Variants in OOSP2 observed in about 807,000 individuals in gnomAD.
OOSP2 encodes the protein oocyte secreted protein 2, also known as oocyte-secreted protein 2.
In OOSP2, 7 loss-of-function variants were observed where a neutral mutation model predicts 13.4. The observed-to-expected ratio is 0.52, with a 90% CI of 0.30 to 0.98. The LOEUF (loss-of-function observed/expected upper bound fraction) is 0.98. Ranked by LOEUF, OOSP2 falls within the 50% of genes least tolerant of loss-of-function variation. The probability of loss-of-function intolerance (pLI) is 0.07; values close to 1 mark genes in which losing one functional copy is unlikely to be tolerated. For synonymous variants in OOSP2, 75 were observed against 67.2 expected, an observed-to-expected ratio of 1.12 and a Z score of -0.57; for missense variants, 184 against 188.5, an observed-to-expected ratio of 0.98 and a Z score of 0.14.
At chr11:60,046,900 C>A (rs757488556) in intron 3 of OOSP2, 44 bp from the exon 4 acceptor site, 1 of 1,567,914 alleles carries the variant, frequency 6.4e-7, no homozygotes, top group South Asian at 1.1e-5. Context: ...GACTTGATCC[C>A]AAGTGCTCCA....
chr11:60,040,550 T>G (rs780291767), intron 1 of OOSP2, 27 bp downstream of exon 1: 10 of 1,279,572 alleles, frequency 7.8e-6, no homozygotes, highest in Non-Finnish European at 1.1e-5. Flanking sequence ...AGAGAATGCT[T>G]CCTCGAAGGA....
chr11:60,044,426 T>A (rs1854984140), intron 2 of OOSP2, among the ~76,000 whole-genome samples: 2 of 152,228 alleles, frequency 1.3e-5, no homozygotes, highest in Admixed American at 1.3e-4. Flanking sequence ...ATCATAAAGA[T>A]GGCTGTAAGC....
At position 60,043,462 on chromosome 11, in the gene OOSP2, TC is replaced by T. The variant is rs1565054731; in HGVS notation, c.65-5del. 7 of 1,602,576 alleles carry T rather than the reference TC, an allele frequency of 4.4e-6. No homozygotes were observed. The highest frequency in any genetic ancestry group is 5.1e-6 in the Non-Finnish European group (6 of 1,169,964). On this transcript the variant is annotated splice_polypyrimidine_tract_variant and splice_region_variant and intron_variant, in intron 1 of 3. Coordinates refer to ENST00000278855, the MANE Select transcript of OOSP2 (RefSeq NM_173801.5). The stretch of plus-strand genomic sequence containing the variant: ...TTCTGATGCTTTTCATATGGTTCTT[TC>T]CACAGTGAAAATAAGTTGCTCTCTG...
rs1404989580 is a variant in OOSP2, at chr11:60,046,783, T to C, written c.348-161T>C. 5 of 757,960 alleles carry C rather than the reference T, an allele frequency of 6.6e-6. No homozygotes were observed. In the African/African-American group the frequency reaches 6.8e-5, roughly 10 times the overall value. The allele number at this position is 757,960 out of a possible 1,614,324, so 47.0% of individuals were successfully genotyped here. On this transcript the variant is annotated intron_variant, in intron 3 of 3. Coordinates refer to ENST00000278855, the MANE Select transcript of OOSP2 (RefSeq NM_173801.5). ...TCTGTAAGCCTATCTGCTCAAATCCTGTACCAAGAGTCCACGAGGATCTAG... is the reference window on the plus strand; with the variant it reads ...TCTGTAAGCCTATCTGCTCAAATCCCGTACCAAGAGTCCACGAGGATCTAG...
At chr11:60,046,732 T>A (rs1289221075) in intron 3 of OOSP2, 2 of 667,250 alleles carry the variant, frequency 3.0e-6, no homozygotes, top group Admixed American at 2.0e-5. Flanking sequence ...GCAGAAATCA[T>A]GGGGAGACTA....
chr11:60,040,490 G>A lies in OOSP2; in HGVS notation c.31G>A (p.Val11Ile), dbSNP rs1303165829. The part of the protein sequence containing the change: MALEVLMLLA[V>I]LIWTGAENLH... ...GTTAGAAGTCTTGATGCTCCTCGCT[G>A]TCTTGATTTGGACCGGTGCTGAGAA... is the stretch of plus-strand genomic sequence containing the variant. Residue 11 changes from valine to isoleucine, a missense_variant, in exon 1 of 4, where the codon GTC becomes ATC. Transcript: ENST00000278855. 5 of 1,604,586 alleles carry A rather than the reference G, an allele frequency of 3.1e-6. No individual in the cohort carries two copies. The highest frequency in any genetic ancestry group is 3.3e-5 in the Admixed American group (2 of 59,996).
rs1454391806 is a variant in OOSP2 at position 60,046,974 on chromosome 11, T to A, written c.378T>A (p.Thr126=). ...CAGTGTGGCTTACACCAGTTTCTAC[T>A]GAGAATGAAATAAAATTGGATCCTA... The part of the protein sequence containing the change: ...RKSVWLTPVS[T]ENEIKLDPSP... Residue 126 remains threonine, a synonymous_variant, in exon 4 of 4, where the codon ACT becomes ACA. Transcript: ENST00000278855. 1.6e-5 allele frequency: 26 copies of A among 1,609,762 alleles called. No individual in the cohort carries two copies. Among genetic ancestry groups the A allele is most frequent in the Middle Eastern group, 1.6e-4 (1 of 6,072 alleles).
intron 1 of OOSP2, among the ~76,000 whole-genome samples, 178 bp from the exon 2 acceptor site, chr11:60,043,287 ATTAG>A (rs750679312): frequency 9.2e-5 from 14 of 152,278 alleles, no homozygotes; most frequent in Non-Finnish European, 1.8e-4. Context: ...TGGGGGCATA[ATTAG>A]TTAGGTATTT....
chr11:60,040,997 CG>C (rs1854922424), intron 1 of OOSP2, among the ~76,000 whole-genome samples: 1 of 152,168 alleles, frequency 6.6e-6, no homozygotes, highest in African/African-American at 2.4e-5. Context: ...AACTCATCAA[CG>C]GTTCTGCAAA....
At chr11:60,041,203 G>T (rs1286386) in intron 1 of OOSP2, among the ~76,000 whole-genome samples, 77,063 of 152,016 alleles carry the variant, frequency 0.51, 19,865 homozygotes, top group Admixed American at 0.58. Context: ...TAATTTGAAA[G>T]GGGGTTTTTC....
chr11:60,042,729 T>C (rs1412495667), intron 1 of OOSP2, among the ~76,000 whole-genome samples: 1 of 152,162 alleles, frequency 6.6e-6, no homozygotes, highest in East Asian at 1.9e-4. Flanking sequence ...ATTCTACTGT[T>C]CTAGAACCAC....
At chr11:60,046,032 CTGTCTGTCTGTCTGTCTCTCTGTCTT>C (rs956003933) in intron 3 of OOSP2, among the ~76,000 whole-genome samples, 1 of 150,136 alleles carries the variant, frequency 6.7e-6, no homozygotes, top group Non-Finnish European at 1.5e-5. Context: ...GCCTCTGTCT[CTGTCTGTCTGTCTGTCTCTCTGTCTT>C]TGTCTGTCTC....
In OOSP2 at chr11:60,044,698, C is replaced by A; in HGVS notation, c.271C>A (p.Gln91Lys). ...RVVSEETLLF[Q>K]TELYFTPRNI... is the part of the protein sequence containing the mutation. ...AGTTTCTGAGGAAACTCTCCTTTTTCAAACCGAGCTGTACTTTACCCCAAG... is the reference window on the plus strand; with the variant it reads ...AGTTTCTGAGGAAACTCTCCTTTTTAAAACCGAGCTGTACTTTACCCCAAG... Residue 91 changes from glutamine to lysine, a missense_variant, in exon 3 of 4, where the codon CAA becomes AAA. Gln to Lys is a moderately conservative substitution (Grantham distance 53). Transcript: ENST00000278855. 1 of 1,595,984 alleles carries A rather than the reference C, an allele frequency of 6.3e-7. No homozygotes were observed. The highest frequency in any genetic ancestry group is 8.6e-7 in the Non-Finnish European group (1 of 1,165,458).
rs1855027668 is a variant in OOSP2 at position 60,047,921 on chromosome 11, T to C, written c.*848T>C. On this transcript the variant is annotated 3_prime_UTR_variant, in exon 4 of 4. Coordinates refer to ENST00000278855, the MANE Select transcript of OOSP2 (RefSeq NM_173801.5). Reference sequence around the variant, plus strand: ...CAAGGGTGAGAATTGAACTGTGCCATTGGCTATTCAATAGCTTATTGAATG... The same window carrying C: ...CAAGGGTGAGAATTGAACTGTGCCACTGGCTATTCAATAGCTTATTGAATG... 6.6e-6 allele frequency: 1 copy of C among 152,152 alleles called. No individual in the cohort carries two copies. Among genetic ancestry groups the C allele is most frequent in the African/African-American group, 2.4e-5 (1 of 41,446 alleles). 9.4% of individuals were successfully genotyped at this position (152,152 alleles called of 1,614,324 possible).
In OOSP2 at chr11:60,047,908, T is replaced by C. The variant is rs1007661079; in HGVS notation, c.*835T>C. On this transcript the variant is annotated 3_prime_UTR_variant, in exon 4 of 4. Coordinates refer to ENST00000278855, the MANE Select transcript of OOSP2 (RefSeq NM_173801.5). ...AGATTTCTTATATCAAGGGTGAGAA[T>C]TGAACTGTGCCATTGGCTATTCAAT... 1 of 152,170 alleles carries C rather than the reference T, an allele frequency of 6.6e-6. No homozygotes were observed. The highest frequency in any genetic ancestry group is 1.5e-5 in the Non-Finnish European group (1 of 68,004). 9.4% of individuals were successfully genotyped at this position (152,170 alleles called of 1,614,324 possible).
At chr11:60,040,791 G>C (rs1854920439) in intron 1 of OOSP2, among the ~76,000 whole-genome samples, 1 of 152,128 alleles carries the variant, frequency 6.6e-6, no homozygotes, top group Non-Finnish European at 1.5e-5. Context: ...AGGTTCTTCA[G>C]GAATAGTCCT....
At chr11:60,043,050 G>C (rs997756392) in intron 1 of OOSP2, among the ~76,000 whole-genome samples, 2 of 151,818 alleles carry the variant, frequency 1.3e-5, no homozygotes, top group African/African-American at 2.4e-5. Context: ...GACTACAGGC[G>C]CTTGCCACCA....
intron 2 of OOSP2, among the ~76,000 whole-genome samples, chr11:60,043,914 C>T (rs1310262510): frequency 6.6e-6 from 1 of 152,186 alleles, no homozygotes; most frequent in Non-Finnish European, 1.5e-5. Flanking sequence ...TATTAGCAGA[C>T]TGCTTTAAAT....
intron 1 of OOSP2, among the ~76,000 whole-genome samples, chr11:60,042,117 TCAAAA>T (rs1190256663): frequency 6.6e-6 from 1 of 152,054 alleles, no homozygotes; most frequent in Non-Finnish European, 1.5e-5. Flanking sequence ...AGACTCCGTC[TCAAAA>T]CAAACAAACA....
Sources: gnomAD v4.1 joint callset for allele counts (sites outside exome capture counted in the v4.1 genomes callset) on GRCh38, gnomAD v4.1.1 for gene constraint, MANE v1.5 for transcripts, NCBI Gene and HGNC (gene_info 2026-07-23, HGNC 2026-07-21) for gene names.